Variants in MAP7D3 observed in about 807,000 individuals in gnomAD.
MAP7D3 encodes MAP7 domain containing 3.
MAP7D3 carries 45 observed loss-of-function variants against 62.2 expected under a neutral mutation model. That is an observed-to-expected ratio of 0.72 (90% confidence interval 0.57 to 0.93). The LOEUF (loss-of-function observed/expected upper bound fraction) is 0.93, where lower values mean the gene tolerates loss of function less well. Among genes scored for constraint, MAP7D3 ranks in the 40% least tolerant of loss-of-function variants. The pLI, the probability that MAP7D3 is intolerant of heterozygous loss-of-function variation, is 0.00. For synonymous variants in MAP7D3, 288 were observed against 248.8 expected (o/e 1.16, Z -1.48); for missense variants, 711 against 683.1 (o/e 1.04, Z -0.45).
At chrX:136,237,263 A>T (rs2074340137) in intron 6 of MAP7D3, among the ~76,000 whole-genome samples, 1 of 112,498 alleles carries the variant, frequency 8.9e-6, no homozygotes, top group African/African-American at 3.2e-5. Context: ...TGAACCACAG[A>T]GGTGGTTAGA....
downstream of MAP7D3, chrX:136,215,024 A>G (rs2074052403): frequency 8.9e-6 from 1 of 111,965 alleles, no homozygotes; most frequent in Admixed American, 9.4e-5. Flanking sequence ...CTGGAATTTG[A>G]CAGGAATGGG....
chrX:136,216,025 G>A (rs1319798677), downstream of MAP7D3, among the ~76,000 whole-genome samples: 1 of 111,152 alleles, frequency 9.0e-6, no homozygotes, highest in Non-Finnish European at 1.9e-5. Context: ...ACTTTAAAAT[G>A]GTTACTTTTA....
chrX:136,227,541 TC>T, intron 11 of MAP7D3, 110 bp from the exon 12 acceptor site: 1 of 486,434 alleles, frequency 2.1e-6, no homozygotes, highest in Non-Finnish European at 3.3e-6. Flanking sequence ...ATAATTTATA[TC>T]CACACCAGAG....
chrX:136,232,668 T>C (rs2074285527), intron 7 of MAP7D3, among the ~76,000 whole-genome samples: 2 of 112,531 alleles, frequency 1.8e-5, no homozygotes, highest in East Asian at 2.8e-4. Flanking sequence ...TGTTTTAGAA[T>C]AGAATGTAAG....
At position 136,240,447 on chromosome X, in the gene MAP7D3, C is replaced by G; in HGVS notation, c.575G>C (p.Gly192Ala). 3 of 1,203,805 alleles carry G rather than the reference C, an allele frequency of 2.5e-6. No homozygotes were observed. The highest frequency in any genetic ancestry group is 3.4e-6 in the Non-Finnish European group (3 of 888,641). ...RSASTEKLEQ[G>A]TSALIRQMPL... ...CATTTGTCTGATTAAAGCAGAAGTACCCTGTTCAAGTTTTTCAGTAGATGC... is the reference window on the plus strand; with the variant it reads ...CATTTGTCTGATTAAAGCAGAAGTAGCCTGTTCAAGTTTTTCAGTAGATGC... The change falls in exon 6 of 19, where the codon GGT becomes GCT. Residue 192 changes from glycine to alanine, a missense_variant. Physicochemically the swap from Gly to Ala is moderately conservative, Grantham distance 60. Coordinates refer to ENST00000316077, the MANE Select transcript of MAP7D3 (RefSeq NM_024597.4).
intron 1 of MAP7D3, among the ~76,000 whole-genome samples, chrX:136,248,576 T>C (rs2074473288): frequency 8.9e-6 from 1 of 112,311 alleles, no homozygotes; most frequent in African/African-American, 3.2e-5. Context: ...AATCCAAAAT[T>C]AAAGTAAAAG....
upstream of MAP7D3, among the ~76,000 whole-genome samples, chrX:136,254,772 G>A (rs778444036): frequency 4.5e-5 from 5 of 111,835 alleles, no homozygotes; most frequent in African/African-American, 1.6e-4. Flanking sequence ...GCCCATGGTC[G>A]CTGAGTGGGC....
At chrX:136,252,093 G>A (rs749037471), upstream of MAP7D3, among the ~76,000 whole-genome samples, 2 of 111,875 alleles carry the variant, frequency 1.8e-5, no homozygotes, top group Non-Finnish European at 3.8e-5. Flanking sequence ...CTCCTTTAAG[G>A]GGCAGACCTC....
intron 18 of MAP7D3, among the ~76,000 whole-genome samples, chrX:136,219,009 C>A (rs1469493790): frequency 9.0e-6 from 1 of 111,379 alleles, no homozygotes; most frequent in Non-Finnish European, 1.9e-5. Context: ...CATTACCACA[C>A]CCGGCTAATT....
At chrX:136,246,208 C>T (rs763194379) in intron 2 of MAP7D3, 35 bp downstream of exon 2, 5 of 1,128,665 alleles carry the variant, frequency 4.4e-6, no homozygotes, top group South Asian at 1.9e-5. Flanking sequence ...AGATATGACA[C>T]TTTGACATCT....
chrX:136,216,359 TAAAAAAAAAAAA>T (rs58245551), downstream of MAP7D3, among the ~76,000 whole-genome samples: 1 of 25,504 alleles, frequency 3.9e-5, no homozygotes, highest in Non-Finnish European at 6.1e-5. Context: ...ACCCTATCTC[TAAAAAAAAAAAA>T]AAAAAAAAAA....
At chrX:136,247,575 G>C (rs2074461806) in intron 1 of MAP7D3, among the ~76,000 whole-genome samples, 1 of 99,243 alleles carries the variant, frequency 1.0e-5, no homozygotes, top group Non-Finnish European at 2.0e-5. Context: ...CACAATTGCT[G>C]CCGTAAGGAT....
chrX:136,221,900 A>G, intron 15 of MAP7D3: 1 of 113,227 alleles, frequency 8.8e-6, no homozygotes, highest in Non-Finnish European at 1.9e-5. Context: ...ATATGGACAA[A>G]TAGTGTTTTC....
At chrX:136,256,391 T>C, upstream of MAP7D3, 1 of 1,064,839 alleles carries the variant, frequency 9.4e-7, no homozygotes, top group African/African-American at 1.8e-5. Context: ...CACCAACAAC[T>C]GACACTTCAG....
chrX:136,254,536 G>A (rs2074540677), upstream of MAP7D3, among the ~76,000 whole-genome samples: 2 of 111,952 alleles, frequency 1.8e-5, no homozygotes, highest in African/African-American at 6.5e-5. Flanking sequence ...CAGCCAGGGT[G>A]TAGGAGGAAG....
In MAP7D3 at chrX:136,224,845, T is replaced by C; in HGVS notation, c.2175A>G (p.Thr725=). The change falls in exon 14 of 19, where the codon ACA becomes ACG. Residue 725 remains threonine (T), a synonymous_variant. Transcript: ENST00000316077. Reference sequence around the variant, plus strand: ...AGACTACCTTTGAGGCATTCACATCTGTCTTTCTTGTCCGCTTCATAATTT... The same window carrying C: ...AGACTACCTTTGAGGCATTCACATCCGTCTTTCTTGTCCGCTTCATAATTT... ...IEEIMKRTRK[T]DVNASKVTET... is the part of the protein sequence containing the mutation. 8.5e-7 allele frequency: 1 copy of C among 1,176,386 alleles called. No homozygotes were observed. Among genetic ancestry groups the C allele is most frequent in the South Asian group, 1.8e-5 (1 of 56,021 alleles).
At position 136,227,268 on chromosome X, in the gene MAP7D3, T is replaced by G. The variant is rs771767747; in HGVS notation, c.2034+16A>C. The stretch of plus-strand genomic sequence containing the variant: ...ATCTGGTTCTCATCCCCTGATAAAG[T>G]GTCAAGTCAGCAAACCTGCAGTGGT... On this transcript the variant is annotated intron_variant, in intron 12 of 18. Coordinates refer to ENST00000316077, the MANE Select transcript of MAP7D3 (RefSeq NM_024597.4). 1.7e-6 allele frequency: 2 copies of G among 1,203,091 alleles called. No homozygotes were observed. The highest frequency in any genetic ancestry group is 3.5e-5 in the African/African-American group (2 of 56,542).
At chrX:136,234,841 T>C (rs190565033) in intron 7 of MAP7D3, among the ~76,000 whole-genome samples, 2 of 111,485 alleles carry the variant, frequency 1.8e-5, no homozygotes, top group East Asian at 2.8e-4. Flanking sequence ...AGAACTGATA[T>C]ATGAGCAACG....
chrX:136,219,328 G>A, intron 18 of MAP7D3, 70 bp downstream of exon 18: 1 of 597,350 alleles, frequency 1.7e-6, no homozygotes, highest in Non-Finnish European at 2.7e-6. Flanking sequence ...CCCTGGAATG[G>A]CTAGAAGGAG....
Sources: gnomAD v4.1 joint callset for allele counts (sites outside exome capture counted in the v4.1 genomes callset) on GRCh38, gnomAD v4.1.1 for gene constraint, MANE v1.5 for transcripts, NCBI Gene and HGNC (gene_info 2026-07-23, HGNC 2026-07-21) for gene names.